The following ZNF568 variants were observed in gnomAD, a reference collection of about 807,000 sequenced individuals.
ZNF568 encodes zinc finger protein 568.
ZNF568 carries 11 observed loss-of-function variants against 18.1 expected under a neutral mutation model. The observed-to-expected ratio is 0.61, with a 90% CI of 0.38 to 1.00. The LOEUF (loss-of-function observed/expected upper bound fraction) is 1.00, where lower values mean the gene tolerates loss of function less well. ZNF568 is among the 50% of genes least tolerant of loss of function. The pLI is 0.01. For missense variants in ZNF568, 639 were observed against 768.2 expected (o/e 0.83, Z 1.99); for synonymous variants, 213 against 246.6 (o/e 0.86, Z 1.28).
chr19:36,957,684 T>C (rs2074118264), downstream of ZNF568, among the ~76,000 whole-genome samples: 1 of 151,980 alleles, frequency 6.6e-6, no homozygotes, highest in Non-Finnish European at 1.5e-5. Context: ...ACAAAGAAGA[T>C]GGATAAGGAA....
intron 5 of ZNF568, 72 bp from the exon 6 acceptor site, chr19:36,937,075 T>C: frequency 6.6e-7 from 1 of 1,506,432 alleles, no homozygotes; most frequent in Middle Eastern, 1.7e-4. Context: ...CCCTCAAGCT[T>C]GGACTTAGCC....
chr19:36,971,680 A>G (rs1045059477), intron 6 of ZNF568, among the ~76,000 whole-genome samples: 1 of 152,138 alleles, frequency 6.6e-6, no homozygotes, highest in Non-Finnish European at 1.5e-5. Context: ...CTGGGACTAC[A>G]GGTGCACACC....
chr19:36,955,960 A>T (rs1285245753), downstream of ZNF568, among the ~76,000 whole-genome samples: 1 of 152,214 alleles, frequency 6.6e-6, no homozygotes, highest in African/African-American at 2.4e-5. Flanking sequence ...AAGATGTGTG[A>T]TGGACTTTCT....
intron 4 of ZNF568, among the ~76,000 whole-genome samples, chr19:36,933,932 T>G (rs532312341): frequency 9.4e-4 from 130 of 138,660 alleles, no homozygotes; most frequent in South Asian, 4.2e-3. Flanking sequence ...TTGTTTTTTT[T>G]TTTTTTTTTT....
At chr19:36,930,513 G>A (rs1314807470) in intron 4 of ZNF568, among the ~76,000 whole-genome samples, 1 of 152,004 alleles carries the variant, frequency 6.6e-6, no homozygotes, top group African/African-American at 2.4e-5. Context: ...CTGGCCAGGG[G>A]TGCAATCTTT....
At chr19:36,922,259 G>A (rs868158218) in intron 2 of ZNF568, among the ~76,000 whole-genome samples, 2 of 152,176 alleles carry the variant, frequency 1.3e-5, no homozygotes, top group Non-Finnish European at 2.9e-5. Context: ...TGGCTTCCAA[G>A]TTAGTGTTAG....
chr19:36,948,789 A>G (rs76226397), intron 6 of ZNF568, among the ~76,000 whole-genome samples: 2 of 147,922 alleles, frequency 1.4e-5, no homozygotes, highest in East Asian at 4.1e-4. Context: ...TTGTTATTGC[A>G]TTAGGTAGGA....
rs780413819 is a variant in ZNF568 at position 36,969,277 on chromosome 19, C to G, written c.359-5143C>G. ...GCACTGAGCTTATTGGGGACATACCCAAAGACCCCACTGGAACAGAACTAA... is the reference window on the plus strand; with the variant it reads ...GCACTGAGCTTATTGGGGACATACCGAAAGACCCCACTGGAACAGAACTAA... On this transcript the variant is annotated intron_variant, in intron 6 of 7. Coordinates refer to the ZNF568 transcript ENST00000427117. Among the ~76,000 whole-genome samples, 55 of 152,228 alleles carry G rather than the reference C, an allele frequency of 3.6e-4. No homozygotes were observed. In the South Asian group the frequency reaches 3.9e-3, roughly 11 times the overall value.
intron 6 of ZNF568, among the ~76,000 whole-genome samples, chr19:36,941,788 T>G (rs2073882925): frequency 6.6e-6 from 1 of 152,136 alleles, no homozygotes; most frequent in African/African-American, 2.4e-5. Context: ...CCTTTTAATA[T>G]GCATTTTTAG....
intron 4 of ZNF568, among the ~76,000 whole-genome samples, chr19:36,994,427 G>GGTTTATAGTGTTTTTCAAGCAAA (rs1201097078): frequency 1.3e-5 from 2 of 151,980 alleles, no homozygotes; most frequent in African/African-American, 4.8e-5. Flanking sequence ...AGGTTTAATT[G>GGTTTATAGTGTTTTTCAAGCAAA]GTTTATAGTG....
rs370048037 is a variant in ZNF568, at chr19:36,952,038, C to T, written c.*950C>T. ...TGTCTATGACGTTGAGGCCAAGGAG[C>T]TTTTTTTTTTTTTTTTTCAAGACAA... is the stretch of plus-strand genomic sequence containing the variant. On this transcript the variant is annotated 3_prime_UTR_variant, in exon 7 of 7. Coordinates refer to ENST00000333987, the MANE Select transcript of ZNF568 (RefSeq NM_198539.4). 42 of 880,872 alleles carry T rather than the reference C, an allele frequency of 4.8e-5. No individual in the cohort carries two copies. The highest frequency in any genetic ancestry group is 3.1e-4 in the African/African-American group (14 of 44,752). 54.6% of individuals were successfully genotyped at this position (880,872 alleles called of 1,614,324 possible).
chr19:36,933,077 G>A (rs2073714089), intron 4 of ZNF568, among the ~76,000 whole-genome samples: 1 of 148,088 alleles, frequency 6.8e-6, no homozygotes, highest in Admixed American at 6.7e-5. Flanking sequence ...TGCTTTTGGT[G>A]TCATATCTAA....
chr19:36,921,429 C>A (rs1315491579), intron 2 of ZNF568, among the ~76,000 whole-genome samples: 1 of 151,376 alleles, frequency 6.6e-6, no homozygotes, highest in African/African-American at 2.4e-5. Flanking sequence ...CCATTGCACT[C>A]CAGCCTGGGC....
intron 2 of ZNF568, among the ~76,000 whole-genome samples, chr19:36,988,768 C>T (rs968394392): frequency 1.3e-5 from 2 of 152,088 alleles, no homozygotes; most frequent in African/African-American, 4.8e-5. Context: ...TTTGATGTTT[C>T]AGTACATATC....
At chr19:36,989,473 C>T (rs558699582) in intron 2 of ZNF568, among the ~76,000 whole-genome samples, 6 of 152,294 alleles carry the variant, frequency 3.9e-5, no homozygotes, top group South Asian at 2.1e-4. Flanking sequence ...TGTGAGCCAC[C>T]ATGCCTGGCC....
intron 4 of ZNF568, among the ~76,000 whole-genome samples, chr19:36,993,614 A>G (rs1166983014): frequency 6.6e-6 from 1 of 151,842 alleles, no homozygotes; most frequent in Non-Finnish European, 1.5e-5. Context: ...TTTCCTCTTG[A>G]GTCAATTTTG....
Position 36,951,931 on chromosome 19 carries a change from A to G in ZNF568, c.*843A>G. ...CAGGCTTGAGCCACTGCACCTGGCC[A>G]AAAAATTAACATTCTAAAGGATTTA... On this transcript the variant is annotated 3_prime_UTR_variant, in exon 7 of 7. Coordinates refer to ENST00000333987, the MANE Select transcript of ZNF568 (RefSeq NM_198539.4). 1.0e-6 allele frequency: 1 copy of G among 984,740 alleles called. No homozygotes were observed. Among genetic ancestry groups the G allele is most frequent in the Non-Finnish European group, 1.2e-6 (1 of 829,802 alleles). The allele number at this position is 984,740 out of a possible 1,614,324, so 61.0% of individuals were successfully genotyped here.
At chr19:36,938,974 G>A (rs975979273) in intron 6 of ZNF568, among the ~76,000 whole-genome samples, 1 of 152,074 alleles carries the variant, frequency 6.6e-6, no homozygotes, top group Non-Finnish European at 1.5e-5. Flanking sequence ...GTCATCTTTC[G>A]ATGAAGGTAT....
At chr19:36,954,000 G>A (rs1051583191), downstream of ZNF568, among the ~76,000 whole-genome samples, 1 of 152,192 alleles carries the variant, frequency 6.6e-6, no homozygotes, top group Non-Finnish European at 1.5e-5. Flanking sequence ...TAGGCGGGCC[G>A]ATTACTTGAG....
Sources: gnomAD v4.1 joint callset for allele counts (sites outside exome capture counted in the v4.1 genomes callset) on GRCh38, gnomAD v4.1.1 for gene constraint, MANE v1.5 for transcripts, NCBI Gene and HGNC (gene_info 2026-07-23, HGNC 2026-07-21) for gene names.